ZNF549: variants seen among roughly 807,000 people sequenced by gnomAD.
ZNF549 encodes the protein zinc finger protein 549.
In ZNF549, 11 loss-of-function variants were observed where a neutral mutation model predicts 11.1. That is an observed-to-expected ratio of 0.99 (90% confidence interval 0.62 to 1.64). ZNF549 has a LOEUF of 1.64. Ranked by LOEUF, ZNF549 falls within the 40% of genes most tolerant of loss-of-function variation. The probability of loss-of-function intolerance (pLI) is 0.00; values close to 1 mark genes in which losing one functional copy is unlikely to be tolerated. For synonymous variants in ZNF549, 266 were observed against 269.1 expected (o/e 0.99, Z 0.11); for missense variants, 748 against 765.1 (o/e 0.98, Z 0.26).
chr19:57,537,417 G>A lies in ZNF549; in HGVS notation c.413G>A (p.Gly138Glu), dbSNP rs1370769933. Reference protein sequence around the residue: ...WQKPYTSVASGKWFSFGSNLQ... With the variant: ...WQKPYTSVASEKWFSFGSNLQ... ...AAACCTTATACGTCTGTGGCCAGTG[G>A]GAAATGGTTTTCATTTGGTTCTAAC... The change falls in exon 4 of 4, where the codon GGG becomes GAG. Residue 138 changes from glycine to glutamate, a missense_variant. Physicochemically the swap from Gly to Glu is moderately conservative, Grantham distance 98. Coordinates refer to ENST00000376233, the MANE Select transcript of ZNF549 (RefSeq NM_001199295.2). The A allele has an allele frequency of 5.6e-6, 9 of 1,614,184 alleles. No individual in the cohort carries two copies. Among genetic ancestry groups the A allele is most frequent in the Non-Finnish European group, 5.9e-6 (7 of 1,180,032 alleles).
At chr19:57,533,764 C>T (rs1340473725) in intron 2 of ZNF549, among the ~76,000 whole-genome samples, 1 of 152,228 alleles carries the variant, frequency 6.6e-6, no homozygotes, top group Non-Finnish European at 1.5e-5. Context: ...CCTGTATGCC[C>T]TCGTTTGTCT....
At chr19:57,532,261 C>T (rs1039262004) in intron 2 of ZNF549, among the ~76,000 whole-genome samples, 1 of 152,076 alleles carries the variant, frequency 6.6e-6, no homozygotes, top group African/African-American at 2.4e-5. Context: ...AGTAAATGCC[C>T]TTCGTGGGGT....
intron 1 of ZNF549, among the ~76,000 whole-genome samples, chr19:57,529,713 C>T (rs886405202): frequency 5.3e-5 from 8 of 151,844 alleles, no homozygotes; most frequent in Admixed American, 6.6e-5. Flanking sequence ...GGTGAAACCC[C>T]GTCTCTACTA....
At chr19:57,528,923 G>C (rs1195408697) in intron 1 of ZNF549, among the ~76,000 whole-genome samples, 1 of 152,108 alleles carries the variant, frequency 6.6e-6, no homozygotes, top group Non-Finnish European at 1.5e-5. Context: ...TCCTAAAATC[G>C]TTGTAATTTC....
chr19:57,537,213 A>C lies in ZNF549; in HGVS notation c.209A>C (p.His70Pro). 1 of 1,609,944 alleles carries C rather than the reference A, an allele frequency of 6.2e-7. No homozygotes were observed. The highest frequency in any genetic ancestry group is 8.5e-7 in the Non-Finnish European group (1 of 1,177,862). Residue 70 changes from histidine (H) to proline (P), a missense_variant, in exon 4 of 4, where the codon CAT becomes CCT. Transcript: ENST00000376233. ...ATTTTTATGCTTTTAGGTTGTTTGCATGGAATAGAGGCTGAGGAGGCCCCT... is the reference window on the plus strand; with the variant it reads ...ATTTTTATGCTTTTAGGTTGTTTGCCTGGAATAGAGGCTGAGGAGGCCCCT... ...FSLMASVGCL[H>P]GIEAEEAPSE...
In ZNF549 at chr19:57,538,288, CAA is replaced by C; in HGVS notation, c.1290_1291del (p.Arg431ThrfsTer3). ...CKECGKAFIH[K>X]KRLLEHQRIH... ...AAGAATGTGGGAAGGCCTTCATTCA[CAA>C]AAAAAGACTTCTTGAGCACCAGAGA... is the stretch of plus-strand genomic sequence containing the variant. On this transcript the variant is annotated frameshift_variant, in exon 4 of 4. Coordinates refer to ENST00000376233, the MANE Select transcript of ZNF549 (RefSeq NM_001199295.2). LOFTEE classifies it low-confidence loss of function (END_TRUNC). 1.2e-6 allele frequency: 2 copies of C among 1,612,796 alleles called. No homozygotes were observed. The highest frequency in any genetic ancestry group is 1.7e-6 in the Non-Finnish European group (2 of 1,179,698).
At position 57,538,066 on chromosome 19, in the gene ZNF549, C is replaced by T; in HGVS notation, c.1062C>T (p.Ile354=). 6.2e-7 allele frequency: 1 copy of T among 1,613,966 alleles called. No homozygotes were observed. Among genetic ancestry groups the T allele is most frequent in the South Asian group, 1.1e-5 (1 of 91,072 alleles). ...CATTTGTTGGCCATCAGCAGAGAAT[C>T]CACACTGGAGAGAGGCCTTATGTGT... The part of the protein sequence containing the change: ...KQTFVGHQQR[I]HTGERPYVCM... Residue 354 remains isoleucine (I), a synonymous_variant, in exon 4 of 4, where the codon ATC becomes ATT. Coordinates refer to ENST00000376233, the MANE Select transcript of ZNF549 (RefSeq NM_001199295.2).
At chr19:57,535,496 A>C in intron 3 of ZNF549, 1 of 504,188 alleles carries the variant, frequency 2.0e-6, no homozygotes. Context: ...AGACTCTTGT[A>C]ACTTGCCCAA....
intron 1 of ZNF549, 89 bp from the exon 2 acceptor site, chr19:57,530,981 G>T: frequency 1.6e-6 from 2 of 1,270,696 alleles, no homozygotes; most frequent in Non-Finnish European, 2.3e-6. Context: ...TTAGGTCTTT[G>T]TCTAGTGTCA....
intron 2 of ZNF549, among the ~76,000 whole-genome samples, chr19:57,533,132 C>A (rs996234329): frequency 6.6e-6 from 1 of 152,198 alleles, no homozygotes; most frequent in African/African-American, 2.4e-5. Flanking sequence ...TTCTTGATAG[C>A]TACACATGAT....
At position 57,527,521 on chromosome 19, in the gene ZNF549, G is replaced by A. The variant is rs1228279614; in HGVS notation, c.-53G>A. ...AGCGATTTGCCACCGCACGCACGCC[G>A]GATCCCGGGCTTTACCGCCCGCCTT... On this transcript the variant is annotated 5_prime_UTR_variant, in exon 1 of 4. Coordinates refer to ENST00000376233, the MANE Select transcript of ZNF549 (RefSeq NM_001199295.2). 1.2e-6 allele frequency: 2 copies of A among 1,611,078 alleles called. No individual in the cohort carries two copies. Among genetic ancestry groups the A allele is most frequent in the Admixed American group, 1.7e-5 (1 of 59,904 alleles).
At chr19:57,534,426 C>T (rs1029901554) in intron 2 of ZNF549, among the ~76,000 whole-genome samples, 12 of 152,250 alleles carry the variant, frequency 7.9e-5, no homozygotes, top group Middle Eastern at 3.4e-3. Flanking sequence ...TAGTTTCAGA[C>T]GGTGTGACAG....
intron 2 of ZNF549, among the ~76,000 whole-genome samples, chr19:57,532,526 G>A (rs1456390273): frequency 3.9e-5 from 6 of 152,214 alleles, no homozygotes; most frequent in Admixed American, 3.9e-4. Context: ...AGGGGAGGTT[G>A]TGACAGGGAC....
rs1352696331 is a variant in ZNF549 at position 57,539,753 on chromosome 19, T to C, written c.*826T>C. 3 of 152,174 alleles carry C rather than the reference T, an allele frequency of 2.0e-5. No individual in the cohort carries two copies. Among genetic ancestry groups the C allele is most frequent in the Non-Finnish European group, 4.4e-5 (3 of 68,032 alleles). 9.4% of individuals were successfully genotyped at this position (152,174 alleles called of 1,614,324 possible). On this transcript the variant is annotated 3_prime_UTR_variant, in exon 4 of 4. Coordinates refer to ENST00000376233, the MANE Select transcript of ZNF549 (RefSeq NM_001199295.2). ...CATGGTATCTTATTTCCCAGGTCCT[T>C]CATTGTAGCCATGGGCACTGAAGGA...
intron 1 of ZNF549, among the ~76,000 whole-genome samples, chr19:57,529,365 G>T (rs938120080): frequency 3.3e-5 from 5 of 152,128 alleles, no homozygotes; most frequent in African/African-American, 1.2e-4. Flanking sequence ...GTTTATAAAT[G>T]AGGCAGTATA....
chr19:57,538,717 C>G lies in ZNF549; in HGVS notation c.1713C>G (p.Ser571Arg). The part of the protein sequence containing the change: ...ECGKCFRHRT[S>R]LIQHQKVHSG... ...GGAAATGCTTTAGACACCGCACCAGCCTCATTCAACACCAGAAAGTTCACA... is the reference window on the plus strand; with the variant it reads ...GGAAATGCTTTAGACACCGCACCAGGCTCATTCAACACCAGAAAGTTCACA... The change falls in exon 4 of 4, where the codon AGC (serine) becomes AGG (arginine). Residue 571 changes from serine (S) to arginine (R), a missense_variant. Physicochemically the swap from Ser to Arg is moderately radical, Grantham distance 110. Coordinates refer to ENST00000376233, the MANE Select transcript of ZNF549 (RefSeq NM_001199295.2). The G allele has an allele frequency of 6.2e-7, 1 of 1,614,114 alleles. No individual in the cohort carries two copies. Among genetic ancestry groups the G allele is most frequent in the East Asian group, 2.2e-5 (1 of 44,858 alleles).
intron 1 of ZNF549, 26 bp from the exon 2 acceptor site, chr19:57,531,044 A>G: frequency 2.5e-6 from 4 of 1,598,068 alleles, no homozygotes; most frequent in Admixed American, 1.7e-5. Flanking sequence ...GAACACCTGT[A>G]TTTCATAGCC....
chr19:57,532,370 C>T (rs1012038205), intron 2 of ZNF549, among the ~76,000 whole-genome samples: 12 of 152,102 alleles, frequency 7.9e-5, no homozygotes, highest in Admixed American at 7.2e-4. Flanking sequence ...CACAGCAAAC[C>T]ATGCATGGAG....
chr19:57,530,359 C>G (rs1256927619), intron 1 of ZNF549, among the ~76,000 whole-genome samples: 1 of 152,176 alleles, frequency 6.6e-6, no homozygotes, highest in African/African-American at 2.4e-5. Flanking sequence ...GCCTTACCCC[C>G]TCTCCCAGTA....
Sources: gnomAD v4.1 joint callset for allele counts (sites outside exome capture counted in the v4.1 genomes callset) on GRCh38, gnomAD v4.1.1 for gene constraint, MANE v1.5 for transcripts, NCBI Gene and HGNC (gene_info 2026-07-23, HGNC 2026-07-21) for gene names.